Variants in CACNA1C observed in about 807,000 individuals in gnomAD.
CACNA1C encodes voltage-dependent L-type calcium channel subunit alpha-1C.
Under a neutral mutation model 229.0 loss-of-function variants are expected in CACNA1C, and 30 were observed. The observed-to-expected ratio is 0.13, with a 90% CI of 0.10 to 0.18. The LOEUF (loss-of-function observed/expected upper bound fraction) is 0.18. CACNA1C is among the 10% of genes least tolerant of loss of function. The probability of loss-of-function intolerance (pLI) is 1.00; values close to 1 mark genes in which losing one functional copy is unlikely to be tolerated. For synonymous variants in CACNA1C, 1,114 were observed against 1,132.5 expected, an observed-to-expected ratio of 0.98 and a Z score of 0.33; for missense variants, 1,658 against 2,845.0, an observed-to-expected ratio of 0.58 and a Z score of 9.49.
intron 3 of CACNA1C, among the ~76,000 whole-genome samples, chr12:2,209,885 T>G (rs1239909604): frequency 1.3e-5 from 2 of 152,234 alleles, no homozygotes; most frequent in African/African-American, 4.8e-5. Flanking sequence ...TTTTAAGTGC[T>G]GCATACTCTT....
At chr12:2,518,471 G>A (rs1314097434) in intron 9 of CACNA1C, among the ~76,000 whole-genome samples, 2 of 152,052 alleles carry the variant, frequency 1.3e-5, no homozygotes, top group Non-Finnish European at 2.9e-5. Flanking sequence ...AGCCAGGAGC[G>A]GTGGCGGGCT....
At chr12:2,098,870 C>A (rs916192693) in intron 1 of CACNA1C, among the ~76,000 whole-genome samples, 2 of 152,158 alleles carry the variant, frequency 1.3e-5, no homozygotes, top group African/African-American at 4.8e-5. Flanking sequence ...TAGTCTTCAC[C>A]ATTGTTCTGT....
chr12:2,457,427 C>A, intron 4 of CACNA1C, 140 bp from the exon 5 acceptor site: 1 of 779,854 alleles, frequency 1.3e-6, no homozygotes, highest in Non-Finnish European at 2.0e-6. Context: ...CCACAGACTC[C>A]ACGCACACCC....
At chr12:2,502,335 A>G (rs2099762432) in intron 7 of CACNA1C, among the ~76,000 whole-genome samples, 1 of 152,242 alleles carries the variant, frequency 6.6e-6, no homozygotes, top group Non-Finnish European at 1.5e-5. Flanking sequence ...ACACCCGTGA[A>G]CAAAGCAGGC....
At chr12:2,178,795 C>T (rs959722558) in intron 3 of CACNA1C, among the ~76,000 whole-genome samples, 2 of 152,170 alleles carry the variant, frequency 1.3e-5, no homozygotes, top group African/African-American at 2.4e-5. Flanking sequence ...GGCACAGTGG[C>T]TCTTGCTTTT....
At chr12:2,656,774 C>A (rs1206640561) in intron 34 of CACNA1C, among the ~76,000 whole-genome samples, 1 of 152,076 alleles carries the variant, frequency 6.6e-6, no homozygotes, top group African/African-American at 2.4e-5. Context: ...AGAAATAAAC[C>A]CACTCATTTA....
In CACNA1C at chr12:2,152,162, G is replaced by A. The variant is rs192957004; in HGVS notation, c.477+31732G>A. 6.6e-6 allele frequency among the ~76,000 whole-genome samples: 1 copy of A among 152,328 alleles called. No individual in the cohort carries two copies. The highest frequency in any genetic ancestry group is 1.5e-5 in the Non-Finnish European group (1 of 68,018). On this transcript the variant is annotated intron_variant, in intron 3 of 46. Transcript: ENST00000399655. This position sits in a 1 kb window ranked among gnomAD's most constrained non-coding sequence, Gnocchi z 4.2. Reference sequence around the variant, plus strand: ...ACCACATTATGGCATGCACATTAATGTAGGGATTGTTCATACAAAAGAGGG... The same window carrying A: ...ACCACATTATGGCATGCACATTAATATAGGGATTGTTCATACAAAAGAGGG...
rs552539454 is a variant in CACNA1C, at chr12:2,275,438, C to T, written c.477+155008C>T. Among the ~76,000 whole-genome samples the T allele has an allele frequency of 2.0e-5, 3 of 152,252 alleles. No homozygotes were observed. The highest frequency in any genetic ancestry group is 6.5e-5 in the Admixed American group (1 of 15,304). On this transcript the variant is annotated intron_variant, in intron 3 of 46. Transcript: ENST00000399655. This position sits in a 1 kb window ranked among gnomAD's most constrained non-coding sequence, Gnocchi z 4.1. ...TGTCTGGTGAGCCCGCCAGCTGTAC[C>T]GCATCGCTCTGTGCATGTGACCTAG...
chr12:2,036,898 G>T (rs2049248197), intron 1 of CACNA1C, among the ~76,000 whole-genome samples: 1 of 152,212 alleles, frequency 6.6e-6, no homozygotes, highest in Non-Finnish European at 1.5e-5. Context: ...GGAGGGGTTA[G>T]CACAGGAGGA....
chr12:2,357,082 G>A (rs995303255), intron 3 of CACNA1C, among the ~76,000 whole-genome samples: 1 of 152,190 alleles, frequency 6.6e-6, no homozygotes. Context: ...TGCAATATGC[G>A]CAGTCATCTC....
chr12:1,979,106 G>A (rs1401460257), intron 1 of CACNA1C, among the ~76,000 whole-genome samples: 1 of 151,628 alleles, frequency 6.6e-6, no homozygotes, highest in Admixed American at 6.6e-5. Flanking sequence ...TCCGCCTCCC[G>A]CGTTCAAGAA....
chr12:2,244,189 T>C (rs2071943374), intron 3 of CACNA1C, among the ~76,000 whole-genome samples: 1 of 152,244 alleles, frequency 6.6e-6, no homozygotes, highest in Non-Finnish European at 1.5e-5. Flanking sequence ...AGTTAGCCAC[T>C]TGCTCCAAGA....
At chr12:2,464,929 C>T (rs572016159) in intron 5 of CACNA1C, among the ~76,000 whole-genome samples, 2 of 152,330 alleles carry the variant, frequency 1.3e-5, no homozygotes, top group East Asian at 3.9e-4. Flanking sequence ...AGCCTTACAA[C>T]ATGCTGGTTT....
At chr12:2,436,972 G>T (rs2099140988) in intron 3 of CACNA1C, among the ~76,000 whole-genome samples, 1 of 152,162 alleles carries the variant, frequency 6.6e-6, no homozygotes, top group African/African-American at 2.4e-5. Flanking sequence ...CACAGTTCCA[G>T]ACTTCACATA....
chr12:2,201,291 G>T (rs1212335336), intron 3 of CACNA1C, among the ~76,000 whole-genome samples: 1 of 152,196 alleles, frequency 6.6e-6, no homozygotes, highest in East Asian at 1.9e-4. Context: ...CAATAATTGA[G>T]CCTGAAAGAT....
chr12:1,995,743 G>A lies in CACNA1C; in HGVS notation c.139+24542G>A, dbSNP rs535366207. 4.6e-5 allele frequency among the ~76,000 whole-genome samples: 7 copies of A among 152,328 alleles called. 1 individual carries two copies. The South Asian group carries it at 1.4e-3, about 32-fold the overall frequency. On this transcript the variant is annotated intron_variant, in intron 1 of 46. Coordinates refer to the CACNA1C transcript ENST00000682462. The stretch of plus-strand genomic sequence containing the variant: ...TTTTATCTTTCCAGCTGACTCATCT[G>A]TATCCTTGCTGGCCCTCAAACCTAA...
chr12:2,358,191 G>T (rs1441968590), intron 3 of CACNA1C, among the ~76,000 whole-genome samples: 2 of 151,496 alleles, frequency 1.3e-5, no homozygotes, highest in Non-Finnish European at 2.9e-5. Context: ...CGTTCTCCGG[G>T]AGGGTGTGTC....
intron 3 of CACNA1C, among the ~76,000 whole-genome samples, chr12:2,332,302 G>A (rs79712710): frequency 0.044 from 6,661 of 152,274 alleles, 257 homozygotes; most frequent in Non-Finnish European, 0.058. Context: ...ATCTATGTGA[G>A]TGTCTTTCTC....
chr12:2,593,120 C>A (rs1258426517), intron 18 of CACNA1C, 93 bp from the exon 19 acceptor site: 4 of 1,382,280 alleles, frequency 2.9e-6, no homozygotes, highest in South Asian at 1.4e-5. Context: ...ATTTTCAGAG[C>A]CATAATCATG....
Sources: allele counts gnomAD v4.1 joint callset (sites outside exome capture counted in the v4.1 genomes callset), GRCh38; gene constraint gnomAD v4.1.1; non-coding constraint Gnocchi (gnomAD v3.1); transcripts MANE v1.5; gene names NCBI Gene and HGNC (gene_info 2026-07-23, HGNC 2026-07-21).